KIAA0586: variants seen among roughly 807,000 people sequenced by gnomAD.
KIAA0586 encodes the protein protein TALPID3.
Under a neutral mutation model 169.8 loss-of-function variants are expected in KIAA0586, and 144 were observed. That is an observed-to-expected ratio of 0.85 (90% CI 0.74 to 0.97). KIAA0586 has a LOEUF of 0.97. Among genes scored for constraint, KIAA0586 ranks in the 50% least tolerant of loss-of-function variants. The probability of loss-of-function intolerance (pLI) is 0.00; values close to 1 mark genes in which losing one functional copy is unlikely to be tolerated. For missense variants in KIAA0586, 1,854 were observed against 1,823.0 expected, an observed-to-expected ratio of 1.02 and a Z score of -0.31; for synonymous variants, 625 against 612.4, an observed-to-expected ratio of 1.02 and a Z score of -0.30.
chr14:58,427,980 G>A lies in KIAA0586; in HGVS notation c.-285G>A. The A allele has an allele frequency of 2.8e-6, 4 of 1,418,736 alleles. No individual in the cohort carries two copies. The highest frequency in any genetic ancestry group is 3.7e-6 in the Non-Finnish European group (4 of 1,091,624). The allele number at this position is 1,418,736 out of a possible 1,614,324, so 87.9% of individuals were successfully genotyped here. A position where few individuals can be genotyped will look rare whatever the true frequency, so the allele number is the denominator to read the frequency against. ...CCTACCAGCTCTGGGGTTGGGGAGT[G>A]CACTGTTATGGTTATTGTTGCTCCT... On this transcript the variant is annotated 5_prime_UTR_variant, in exon 1 of 31. Transcript: ENST00000652326.
chr14:58,544,849 C>T (rs546113329), intron 30 of KIAA0586, among the ~76,000 whole-genome samples: 1 of 152,350 alleles, frequency 6.6e-6, no homozygotes, highest in South Asian at 2.1e-4. Flanking sequence ...CACCATTTCT[C>T]CTATCCAAAC....
chr14:58,496,121 T>C (rs557533089), intron 26 of KIAA0586, among the ~76,000 whole-genome samples: 51 of 152,348 alleles, frequency 3.3e-4, no homozygotes, highest in African/African-American at 1.2e-3. Context: ...TTGAAACTTC[T>C]TGCTTAGAGG....
intron 6 of KIAA0586, among the ~76,000 whole-genome samples, chr14:58,444,411 T>G (rs966907940): frequency 6.6e-6 from 1 of 152,126 alleles, no homozygotes; most frequent in Non-Finnish European, 1.5e-5. Flanking sequence ...TACACTATTT[T>G]TGTTCATATC....
chr14:58,548,167 G>C lies in KIAA0586; in HGVS notation c.*235G>C. 2.3e-6 allele frequency: 1 copy of C among 435,914 alleles called. No individual in the cohort carries two copies. Among genetic ancestry groups the C allele is most frequent in the Non-Finnish European group, 4.0e-6 (1 of 250,250 alleles). The allele number at this position is 435,914 out of a possible 1,614,324, so 27.0% of individuals were successfully genotyped here. ...TTTCTTAGAATCCTGAGATAGCATAGAGTAGTGAAAGGGCATGGCTTTTGA... is the reference window on the plus strand; with the variant it reads ...TTTCTTAGAATCCTGAGATAGCATACAGTAGTGAAAGGGCATGGCTTTTGA... On this transcript the variant is annotated 3_prime_UTR_variant, in exon 31 of 31. Coordinates refer to ENST00000652326, the MANE Select transcript of KIAA0586 (RefSeq NM_001329943.3).
intron 21 of KIAA0586, among the ~76,000 whole-genome samples, chr14:58,485,348 T>C (rs191380594): frequency 3.2e-4 from 49 of 152,200 alleles, no homozygotes; most frequent in African/African-American, 1.1e-3. Flanking sequence ...AAAAAAGTTA[T>C]TGAAATTGCA....
At chr14:58,465,666 C>T (rs547771853) in intron 14 of KIAA0586, among the ~76,000 whole-genome samples, 169 bp from the exon 15 acceptor site, 1 of 152,056 alleles carries the variant, frequency 6.6e-6, no homozygotes, top group Non-Finnish European at 1.5e-5. Context: ...TACTGTCTGG[C>T]CATTTAAGAA....
At chr14:58,505,193 A>G (rs1452081424) in intron 27 of KIAA0586, among the ~76,000 whole-genome samples, 1 of 152,088 alleles carries the variant, frequency 6.6e-6, no homozygotes, top group Non-Finnish European at 1.5e-5. Context: ...GATTGCCATT[A>G]TTTTACAACT....
At chr14:58,450,789 G>T (rs1159629304) in intron 8 of KIAA0586, 43 bp downstream of exon 8, 2 of 1,316,214 alleles carry the variant, frequency 1.5e-6, no homozygotes, top group Non-Finnish European at 1.1e-6. Flanking sequence ...TTAGGAAATT[G>T]TCATGAGATT....
At position 58,497,228 on chromosome 14, in the gene KIAA0586, C is replaced by T. The variant is rs144198097; in HGVS notation, c.3991-1555C>T. On this transcript the variant is annotated intron_variant, in intron 26 of 30. Transcript: ENST00000652326. ...CTTCAGGTGATCCACCCACCTCGGC[C>T]TCCCAAAGTGCTGAGATTACAGGCG... is the stretch of plus-strand genomic sequence containing the variant. 4.6e-4 allele frequency among the ~76,000 whole-genome samples: 70 copies of T among 152,232 alleles called. No individual in the cohort carries two copies. The East Asian group carries it at 0.011, about 23-fold the overall frequency.
At chr14:58,480,791 T>G (rs2041981209) in intron 20 of KIAA0586, among the ~76,000 whole-genome samples, 1 of 152,210 alleles carries the variant, frequency 6.6e-6, no homozygotes, top group East Asian at 1.9e-4. Context: ...ACATGCCTCC[T>G]TCTGTTGTTA....
chr14:58,464,515 CTTTA>C (rs547746328), intron 14 of KIAA0586, among the ~76,000 whole-genome samples: 2 of 152,030 alleles, frequency 1.3e-5, no homozygotes, highest in South Asian at 4.1e-4. Flanking sequence ...TGCCCGCTTA[CTTTA>C]TTCTTTACTT....
In KIAA0586 at chr14:58,450,752, A is replaced by C. The variant is rs1239757706; in HGVS notation, c.1129+6A>C. 2 of 1,575,076 alleles carry C rather than the reference A, an allele frequency of 1.3e-6. No homozygotes were observed. Among genetic ancestry groups the C allele is most frequent in the Non-Finnish European group, 8.7e-7 (1 of 1,147,832 alleles). On this transcript the variant is annotated splice_donor_region_variant and intron_variant, in intron 8 of 30. Transcript: ENST00000652326. ...GGAAGTGTCGTGTCACAGAGGTAAT[A>C]GAGACTTTTACTAGACCTATCCCAA...
rs2047015507 is a variant in KIAA0586 at position 58,546,859 on chromosome 14, G to A, written c.4496-922G>A. ...TTTTTCATATTTCATTAAATGTAGA[G>A]ATAATGTCTACTTTACAGTAGAGAG... On this transcript the variant is annotated intron_variant, in intron 30 of 30. Coordinates refer to ENST00000652326, the MANE Select transcript of KIAA0586 (RefSeq NM_001329943.3). Among the ~76,000 whole-genome samples the A allele has an allele frequency of 2.6e-5, 4 of 152,214 alleles. No homozygotes were observed. In the South Asian group the frequency reaches 8.3e-4, roughly 32 times the overall value.
the KIAA0586 span, among the ~76,000 whole-genome samples, chr14:58,558,984 T>C: frequency 6.6e-6 from 1 of 152,192 alleles, no homozygotes; most frequent in Non-Finnish European, 1.5e-5. Flanking sequence ...ATAAGCACAG[T>C]TCTTAGCCTT....
rs1288341646 is a variant in KIAA0586, at chr14:58,549,169, CA to C, written c.*1238del. 1 of 152,122 alleles carries C rather than the reference CA, an allele frequency of 6.6e-6. No homozygotes were observed. Among genetic ancestry groups the C allele is most frequent in the Admixed American group, 6.6e-5 (1 of 15,264 alleles). 9.4% of individuals were successfully genotyped at this position (152,122 alleles called of 1,614,324 possible). On this transcript the variant is annotated 3_prime_UTR_variant, in exon 31 of 31. Transcript: ENST00000652326. Reference sequence around the variant, plus strand: ...TTCTGTCACAACTGAATTTCAAACACACAGTAATTACAGTCATCCTTGACTT... The same window carrying C: ...TTCTGTCACAACTGAATTTCAAACACCAGTAATTACAGTCATCCTTGACTT...
intron 27 of KIAA0586, among the ~76,000 whole-genome samples, chr14:58,501,010 C>T (rs1595394202): frequency 6.6e-6 from 1 of 152,114 alleles, no homozygotes; most frequent in Non-Finnish European, 1.5e-5. Context: ...GTTATAAATA[C>T]GTTTTAGCGA....
intron 25 of KIAA0586, among the ~76,000 whole-genome samples, 168 bp downstream of exon 25, chr14:58,490,408 A>T (rs1409011016): frequency 6.6e-6 from 1 of 152,160 alleles, no homozygotes; most frequent in African/African-American, 2.4e-5. Flanking sequence ...ATGTAATCTT[A>T]TAATTATGAG....
downstream of KIAA0586, among the ~76,000 whole-genome samples, chr14:58,553,639 T>C (rs1422839758): frequency 6.6e-6 from 1 of 152,082 alleles, no homozygotes; most frequent in African/African-American, 2.4e-5. Flanking sequence ...AACCAGCTTC[T>C]GGAGGCTTGT....
chr14:58,432,386 A>G lies in KIAA0586; in HGVS notation c.341-2A>G, dbSNP rs939669886. ...ATATATTTTTGTGTCTTGATTTTGCAGCAAATGACATCTTCATTTCTCAGT... is the reference window on the plus strand; with the variant it reads ...ATATATTTTTGTGTCTTGATTTTGCGGCAAATGACATCTTCATTTCTCAGT... On this transcript the variant is annotated splice_acceptor_variant, in intron 3 of 30. Coordinates refer to ENST00000652326, the MANE Select transcript of KIAA0586 (RefSeq NM_001329943.3). LOFTEE classifies it high-confidence loss of function. 13 of 1,524,444 alleles carry G rather than the reference A, an allele frequency of 8.5e-6. No individual in the cohort carries two copies. The highest frequency in any genetic ancestry group is 1.2e-5 in the Non-Finnish European group (13 of 1,127,740). 94.4% of individuals were successfully genotyped at this position (1,524,444 alleles called of 1,614,324 possible).
Sources: allele counts gnomAD v4.1 joint callset (sites outside exome capture counted in the v4.1 genomes callset), GRCh38; gene constraint gnomAD v4.1.1; transcripts MANE v1.5; gene names NCBI Gene and HGNC (gene_info 2026-07-23, HGNC 2026-07-21).